Variants in PYROXD2 observed in about 807,000 individuals in gnomAD.
PYROXD2 encodes the protein pyridine nucleotide-disulfide oxidoreductase domain-containing protein 2.
A neutral mutation model predicts 71.1 loss-of-function variants in PYROXD2; 69 were observed. The observed-to-expected ratio is 0.97, with a 90% CI of 0.80 to 1.19. The LOEUF (loss-of-function observed/expected upper bound fraction) is 1.19, where lower values mean the gene tolerates loss of function less well. Ranked by LOEUF, PYROXD2 falls within the 50% of genes most tolerant of loss-of-function variation. PYROXD2 has a pLI of 0.00. For synonymous variants in PYROXD2, 287 were observed against 302.7 expected (o/e 0.95, Z 0.54); for missense variants, 745 against 748.9 (o/e 0.99, Z 0.06).
chr10:98,405,478 GTAA>G (rs959342091), intron 4 of PYROXD2, among the ~76,000 whole-genome samples: 2 of 152,220 alleles, frequency 1.3e-5, no homozygotes, highest in African/African-American at 4.8e-5. Context: ...CCAAATGGGG[GTAA>G]TAATAATAGC....
At chr10:98,388,183 T>C in intron 13 of PYROXD2, 171 bp downstream of exon 13, 1 of 653,868 alleles carries the variant, frequency 1.5e-6, no homozygotes, top group East Asian at 2.8e-5. Context: ...CTTAGCCCAG[T>C]TCCTGACCCC....
At chr10:98,397,319 G>A (rs891666037) in intron 6 of PYROXD2, 26 bp downstream of exon 6, 11 of 1,561,354 alleles carry the variant, frequency 7.0e-6, no homozygotes, top group African/African-American at 6.8e-5. Context: ...CACTCATCAT[G>A]CCCTGGTGCC....
chr10:98,392,689 C>G, intron 9 of PYROXD2, 123 bp from the exon 10 acceptor site: 4 of 1,469,146 alleles, frequency 2.7e-6, no homozygotes, highest in Non-Finnish European at 3.6e-6. Context: ...CAAACCCATC[C>G]CACCAAGTTC....
In PYROXD2 at chr10:98,408,002, G is replaced by A. The variant is rs777148090; in HGVS notation, c.148-5C>T. 12 of 1,597,526 alleles carry A rather than the reference G, an allele frequency of 7.5e-6. No homozygotes were observed. Among genetic ancestry groups the A allele is most frequent in the Non-Finnish European group, 8.5e-6 (10 of 1,171,942 alleles). On this transcript the variant is annotated splice_polypyrimidine_tract_variant and splice_region_variant and intron_variant, in intron 2 of 15. Coordinates refer to ENST00000370575, the MANE Select transcript of PYROXD2 (RefSeq NM_032709.3). Reference sequence around the variant, plus strand: ...CAGTCTCTGCAGGTACGCTGCCTGGGAAGTGGGGCAGCACACAGGGCCCTC... The same window carrying A: ...CAGTCTCTGCAGGTACGCTGCCTGGAAAGTGGGGCAGCACACAGGGCCCTC...
chr10:98,397,567 C>A, intron 5 of PYROXD2, 69 bp from the exon 6 acceptor site: 1 of 1,458,860 alleles, frequency 6.9e-7, no homozygotes, highest in Non-Finnish European at 9.1e-7. Flanking sequence ...CCCAGATGGC[C>A]TGTCACCCCC....
chr10:98,411,170 C>A (rs778694036), intron 1 of PYROXD2: 14 of 692,318 alleles, frequency 2.0e-5, no homozygotes, highest in Non-Finnish European at 3.1e-5. Context: ...AACCCTGGTT[C>A]TTGCCTTGGC....
In PYROXD2 at chr10:98,393,007, C is replaced by A. The variant is rs867294542; in HGVS notation, c.862G>T (p.Gly288Cys). ...CTTGCGATCGCATCAGAGAGGGCAC[C>A]CATGCCCCCCTGGACGTAGCCCCAG... ...GAWGYVQGGM[G>C]ALSDAIASSA... The change falls in exon 9 of 16, where the codon GGT (glycine) becomes TGT (cysteine). Residue 288 changes from glycine (G) to cysteine (C), a missense_variant. Physicochemically the swap from Gly to Cys is radical, Grantham distance 159. Transcript: ENST00000370575. The A allele has an allele frequency of 6.2e-7, 1 of 1,612,608 alleles. No individual in the cohort carries two copies. The highest frequency in any genetic ancestry group is 8.5e-7 in the Non-Finnish European group (1 of 1,178,742).
At chr10:98,392,264 A>ACAC (rs1379467328) in intron 10 of PYROXD2, among the ~76,000 whole-genome samples, 168 bp downstream of exon 10, 4 of 152,062 alleles carry the variant, frequency 2.6e-5, no homozygotes, top group Non-Finnish European at 5.9e-5. Context: ...CCCACCTGTG[A>ACAC]GGCTTCTTCC....
chr10:98,388,972 C>T (rs1842855676), intron 12 of PYROXD2, among the ~76,000 whole-genome samples: 2 of 152,148 alleles, frequency 1.3e-5, no homozygotes, highest in African/African-American at 4.8e-5. Context: ...GACCTGCTTC[C>T]CACCCCACCA....
chr10:98,385,202 A>AGAAAGG (rs1364698517), intron 14 of PYROXD2, 135 bp from the exon 15 acceptor site: 1 of 1,272,510 alleles, frequency 7.9e-7, no homozygotes, highest in African/African-American at 1.5e-5. Context: ...TTTAAAATGC[A>AGAAAGG]GAAAGGGAAG....
At position 98,411,271 on chromosome 10, in the gene PYROXD2, G is replaced by T. The variant is rs3814141; in HGVS notation, c.128-313C>A. On this transcript the variant is annotated intron_variant, in intron 1 of 15. Transcript: ENST00000370575. ...CGCCAGGGCTTCCATTGCTTGGGAGGCGCAAGTGATGGTGTCTGAGGGAGC... is the reference window on the plus strand; with the variant it reads ...CGCCAGGGCTTCCATTGCTTGGGAGTCGCAAGTGATGGTGTCTGAGGGAGC... 4 of 397,270 alleles carry T rather than the reference G, an allele frequency of 1.0e-5. No homozygotes were observed. In the East Asian group the frequency reaches 1.5e-4, roughly 14 times the overall value. 24.6% of individuals were successfully genotyped at this position (397,270 alleles called of 1,614,324 possible). A position where few individuals can be genotyped will look rare whatever the true frequency, so the allele number is the denominator to read the frequency against.
chr10:98,391,949 C>T (rs1842958460), intron 10 of PYROXD2, among the ~76,000 whole-genome samples: 2 of 152,156 alleles, frequency 1.3e-5, no homozygotes, highest in South Asian at 4.2e-4. Flanking sequence ...CAACTGCAGA[C>T]GCATGAGCAA....
At chr10:98,389,665 A>G (rs1353854814) in intron 12 of PYROXD2, among the ~76,000 whole-genome samples, 2 of 152,092 alleles carry the variant, frequency 1.3e-5, no homozygotes, top group Non-Finnish European at 2.9e-5. Flanking sequence ...CCAGATACCC[A>G]TAAGATCTGT....
chr10:98,388,468 T>C lies in PYROXD2; in HGVS notation c.1333A>G (p.Thr445Ala). 1.9e-6 allele frequency: 3 copies of C among 1,611,610 alleles called. No homozygotes were observed. The highest frequency in any genetic ancestry group is 2.5e-6 in the Non-Finnish European group (3 of 1,179,358). Residue 445 changes from threonine to alanine, a missense_variant, in exon 13 of 16, where the codon ACC becomes GCC. Coordinates refer to ENST00000370575, the MANE Select transcript of PYROXD2 (RefSeq NM_032709.3). ...ACATGGCAGCCAGGGGGAGCCAGGG[T>C]GGGGTCCAGCGAGGAAGGGATGCAG... Reference protein sequence around the residue: ...ELCIPSSLDPTLAPPGCHVVS... With the variant: ...ELCIPSSLDPALAPPGCHVVS...
chr10:98,399,128 G>A (rs772627217), intron 5 of PYROXD2, among the ~76,000 whole-genome samples: 45 of 152,054 alleles, frequency 3.0e-4, no homozygotes, highest in Non-Finnish European at 4.4e-5. Context: ...GCAACAGAGT[G>A]AGACCCTGTC....
intron 14 of PYROXD2, among the ~76,000 whole-genome samples, chr10:98,386,546 C>CT (rs112385802): frequency 1.4e-5 from 2 of 147,730 alleles, no homozygotes; most frequent in African/African-American, 5.1e-5. Context: ...CTTTCTTTTG[C>CT]TTTTTTTTTA....
At chr10:98,399,064 C>T (rs1343957775) in intron 5 of PYROXD2, among the ~76,000 whole-genome samples, 1 of 152,082 alleles carries the variant, frequency 6.6e-6, no homozygotes. Context: ...TTGCTTGAAC[C>T]CGGGAGGCAG....
chr10:98,391,921 G>A (rs899692171), intron 10 of PYROXD2, among the ~76,000 whole-genome samples: 5 of 152,104 alleles, frequency 3.3e-5, no homozygotes, highest in African/African-American at 9.7e-5. Context: ...ATCAGCAGCC[G>A]GCAAGCTGAC....
chr10:98,392,840 C>A (rs1187547085), intron 9 of PYROXD2, 102 bp downstream of exon 9: 1 of 1,345,634 alleles, frequency 7.4e-7, no homozygotes, highest in African/African-American at 1.5e-5. Context: ...CCCCTCATGG[C>A]CCCTCTGTTC....
Sources: gnomAD v4.1 joint callset for allele counts (sites outside exome capture counted in the v4.1 genomes callset) on GRCh38, gnomAD v4.1.1 for gene constraint, MANE v1.5 for transcripts, NCBI Gene and HGNC (gene_info 2026-07-23, HGNC 2026-07-21) for gene names.